Variants in C12orf54 observed in about 807,000 individuals in gnomAD.
C12orf54 encodes chromosome 12 open reading frame 54.
Under a neutral mutation model 26.4 loss-of-function variants are expected in C12orf54, and 24 were observed. The ratio of observed to expected loss-of-function variants is 0.91; its 90% CI spans 0.66 to 1.28. C12orf54 has a LOEUF of 1.28. Ranked by LOEUF, C12orf54 falls within the 50% of genes most tolerant of loss-of-function variation. The probability of loss-of-function intolerance (pLI) is 0.00; values close to 1 mark genes in which losing one functional copy is unlikely to be tolerated. For synonymous variants in C12orf54, 54 were observed against 47.0 expected, an observed-to-expected ratio of 1.15 and a Z score of -0.61; for missense variants, 154 against 150.9, an observed-to-expected ratio of 1.02 and a Z score of -0.11.
the C12orf54 span, among the ~76,000 whole-genome samples, chr12:48,430,936 G>A: frequency 6.7e-6 from 1 of 149,962 alleles, no homozygotes; most frequent in African/African-American, 2.5e-5. Context: ...AGAAACTGTG[G>A]TATATATATA....
the C12orf54 span, among the ~76,000 whole-genome samples, chr12:48,465,301 T>TA: frequency 1.6e-4 from 25 of 151,964 alleles, no homozygotes; most frequent in South Asian, 5.2e-3. Flanking sequence ...AGCCAAGAAT[T>TA]ATATGAAAAA....
the C12orf54 span, among the ~76,000 whole-genome samples, chr12:48,445,556 C>A: frequency 6.6e-6 from 1 of 152,270 alleles, no homozygotes; most frequent in African/African-American, 2.4e-5. Flanking sequence ...CATCTCCTCC[C>A]ACCCCTTATA....
At chr12:48,457,284 T>TTGG in the C12orf54 span, among the ~76,000 whole-genome samples, 58 of 127,806 alleles carry the variant, frequency 4.5e-4, 1 homozygote, top group South Asian at 0.011. Flanking sequence ...GTTGTTGTTG[T>TTGG]TGGTGGTGGT....
At chr12:48,493,688 A>G (rs1271447487) in intron 7 of C12orf54, among the ~76,000 whole-genome samples, 1 of 151,696 alleles carries the variant, frequency 6.6e-6, no homozygotes, top group Non-Finnish European at 1.5e-5. Flanking sequence ...AAAATTAATG[A>G]AAGTTAATTT....
upstream of C12orf54, among the ~76,000 whole-genome samples, chr12:48,478,049 A>G (rs1409412019): frequency 6.6e-6 from 1 of 152,214 alleles, no homozygotes; most frequent in Non-Finnish European, 1.5e-5. Context: ...CTTATCCACC[A>G]TGATCAAGTG....
chr12:48,472,739 C>A, the C12orf54 span: 2 of 1,614,120 alleles, frequency 1.2e-6, no homozygotes, highest in Non-Finnish European at 1.7e-6. Context: ...TTTTCCTGGA[C>A]AACAGTCAGT....
In C12orf54 at chr12:48,494,083, G is replaced by T. The variant is rs1937856345; in HGVS notation, c.243-715G>T. 2.9e-5 allele frequency among the ~76,000 whole-genome samples: 3 copies of T among 104,748 alleles called. 1 individual carries two copies. The highest frequency in any genetic ancestry group is 3.8e-5 in the Non-Finnish European group (2 of 52,106). The allele number at this position is 104,748 out of a possible 152,430, so 68.7% of individuals were successfully genotyped here. A position where few individuals can be genotyped will look rare whatever the true frequency, so the allele number is the denominator to read the frequency against. On this transcript the variant is annotated intron_variant, in intron 7 of 8. Coordinates refer to ENST00000548364, the MANE Select transcript of C12orf54 (RefSeq NM_152319.4). ...AAAATACAAAAATTAGCTGGGCGTG[G>T]TGGCAGGTGCCTGTAACCCCAGCTA... is the stretch of plus-strand genomic sequence containing the variant.
chr12:48,486,047 G>A (rs1176320461), intron 2 of C12orf54, 131 bp from the exon 3 acceptor site: 2 of 817,674 alleles, frequency 2.4e-6, no homozygotes, highest in Admixed American at 2.2e-5. Context: ...GCAGGACCGT[G>A]GCTACCCTTC....
upstream of C12orf54, among the ~76,000 whole-genome samples, chr12:48,481,104 T>C (rs1402564439): frequency 6.6e-6 from 1 of 152,162 alleles, no homozygotes; most frequent in African/African-American, 2.4e-5. Context: ...CTATGCTCAC[T>C]GTCTGGGTGA....
chr12:48,430,438 G>T, the C12orf54 span, among the ~76,000 whole-genome samples: 2 of 151,880 alleles, frequency 1.3e-5, no homozygotes, highest in African/African-American at 4.8e-5. Flanking sequence ...AATCTACAAA[G>T]AACTCAAATC....
the C12orf54 span, among the ~76,000 whole-genome samples, chr12:48,426,714 A>G: frequency 6.6e-6 from 1 of 152,252 alleles, no homozygotes; most frequent in South Asian, 2.1e-4. Context: ...CCTATCCACG[A>G]GCATGAATGC....
the C12orf54 span, chr12:48,441,968 A>G: frequency 3.9e-5 from 6 of 152,332 alleles, 1 homozygote; most frequent in South Asian, 1.2e-3. Flanking sequence ...GTGTCCATGC[A>G]CTGCTTGTTG....
chr12:48,418,552 G>A, the C12orf54 span, among the ~76,000 whole-genome samples: 1 of 152,164 alleles, frequency 6.6e-6, no homozygotes, highest in Non-Finnish European at 1.5e-5. Context: ...TGAGTGGCAT[G>A]AGAATGAAAA....
the C12orf54 span, among the ~76,000 whole-genome samples, chr12:48,452,534 G>A: frequency 2.6e-5 from 4 of 151,272 alleles, no homozygotes; most frequent in African/African-American, 9.7e-5. Context: ...ACACAACAAC[G>A]ACAACAAAAA....
the C12orf54 span, among the ~76,000 whole-genome samples, chr12:48,465,129 C>A: frequency 4.3e-3 from 650 of 152,214 alleles, 3 homozygotes; most frequent in African/African-American, 0.015. Context: ...AGTAAACAGA[C>A]AACTGACAGA....
At chr12:48,456,803 C>G in the C12orf54 span, among the ~76,000 whole-genome samples, 3 of 151,972 alleles carry the variant, frequency 2.0e-5, no homozygotes, top group African/African-American at 7.3e-5. Flanking sequence ...CAGCTTTTTT[C>G]TTCTTTGGCA....
chr12:48,480,247 C>CA (rs1375438432), upstream of C12orf54, among the ~76,000 whole-genome samples: 6 of 152,040 alleles, frequency 3.9e-5, no homozygotes, highest in African/African-American at 1.4e-4. Flanking sequence ...AATTGTTTCA[C>CA]AAAAAAATTA....
At chr12:48,493,278 G>A (rs1030914074) in intron 7 of C12orf54, among the ~76,000 whole-genome samples, 3 of 152,138 alleles carry the variant, frequency 2.0e-5, no homozygotes, top group Admixed American at 6.5e-5. Context: ...TCAATTGAGG[G>A]AATAAGGGAA....
the C12orf54 span, among the ~76,000 whole-genome samples, chr12:48,431,780 A>G: frequency 2.0e-5 from 3 of 152,168 alleles, no homozygotes; most frequent in Non-Finnish European, 4.4e-5. Flanking sequence ...ATATACATAA[A>G]AAGTAGTTTA....
Sources: allele counts gnomAD v4.1 joint callset (sites outside exome capture counted in the v4.1 genomes callset), GRCh38; gene constraint gnomAD v4.1.1; transcripts MANE v1.5; gene names NCBI Gene and HGNC (gene_info 2026-07-23, HGNC 2026-07-21).